The following GALNT17 variants were observed in gnomAD, a reference collection of about 807,000 sequenced individuals.
GALNT17 encodes the protein polypeptide N-acetylgalactosaminyltransferase 17.
A neutral mutation model predicts 63.7 loss-of-function variants in GALNT17; 29 were observed. That is an observed-to-expected ratio of 0.46 (90% CI 0.34 to 0.62). The LOEUF (loss-of-function observed/expected upper bound fraction) is 0.62. Ranked by LOEUF, GALNT17 falls within the 20% of genes least tolerant of loss-of-function variation. The pLI, the probability that GALNT17 is intolerant of heterozygous loss-of-function variation, is 0.01. For synonymous variants in GALNT17, 305 were observed against 318.3 expected, an observed-to-expected ratio of 0.96 and a Z score of 0.45; for missense variants, 603 against 799.6, an observed-to-expected ratio of 0.75 and a Z score of 2.97.
intron 1 of GALNT17, among the ~76,000 whole-genome samples, chr7:71,254,250 C>A (rs1790250731): frequency 6.6e-6 from 1 of 152,098 alleles, no homozygotes; most frequent in African/African-American, 2.4e-5. Flanking sequence ...TTGTGGAGGT[C>A]AAGGTTTTTA....
chr7:71,223,433 T>G (rs1027923501), intron 1 of GALNT17, among the ~76,000 whole-genome samples: 1 of 152,254 alleles, frequency 6.6e-6, no homozygotes, highest in Admixed American at 6.5e-5. Context: ...TTTATTTCTC[T>G]TCTTGCTCAA....
intron 3 of GALNT17, among the ~76,000 whole-genome samples, chr7:71,405,769 A>G (rs1222925838): frequency 1.3e-5 from 2 of 152,262 alleles, no homozygotes; most frequent in African/African-American, 2.4e-5. Context: ...CCCATTCATG[A>G]GGGTAGAGTC....
chr7:71,209,693 G>T (rs991566739), intron 1 of GALNT17, among the ~76,000 whole-genome samples: 26 of 151,622 alleles, frequency 1.7e-4, no homozygotes, highest in African/African-American at 6.3e-4. Context: ...TCAGCGTTTT[G>T]CCATATTGCC....
intron 6 of GALNT17, among the ~76,000 whole-genome samples, chr7:71,643,722 T>C (rs1160480738): frequency 6.6e-6 from 1 of 152,090 alleles, no homozygotes; most frequent in African/African-American, 2.4e-5. Context: ...AGGTAGGAGA[T>C]GACATTTTAG....
chr7:71,144,420 T>G (rs546032811), intron 1 of GALNT17, among the ~76,000 whole-genome samples: 1 of 152,302 alleles, frequency 6.6e-6, no homozygotes, highest in African/African-American at 2.4e-5. Context: ...ATCATTATTA[T>G]TGGCTGTTCA....
At chr7:71,337,045 G>A (rs1301241636) in intron 2 of GALNT17, among the ~76,000 whole-genome samples, 1 of 151,720 alleles carries the variant, frequency 6.6e-6, no homozygotes. Flanking sequence ...TGGTTGAAAT[G>A]GTATCTCATT....
At chr7:71,374,876 G>A (rs1297900086) in intron 2 of GALNT17, among the ~76,000 whole-genome samples, 1 of 133,426 alleles carries the variant, frequency 7.5e-6, no homozygotes, top group Non-Finnish European at 1.5e-5. Context: ...GTCTTGCTCT[G>A]TTGCCCAGGC....
intron 5 of GALNT17, among the ~76,000 whole-genome samples, chr7:71,538,929 A>G (rs563438684): frequency 1.1e-4 from 17 of 151,664 alleles, no homozygotes; most frequent in Middle Eastern, 3.4e-3. Context: ...AGGATACTCA[A>G]TGTTTTTGGG....
intron 1 of GALNT17, among the ~76,000 whole-genome samples, chr7:71,305,870 C>T (rs764831961): frequency 4.6e-5 from 7 of 152,136 alleles, no homozygotes; most frequent in Non-Finnish European, 8.8e-5. Flanking sequence ...ATCCAGGTAC[C>T]GTGGAAAGCC....
chr7:71,463,139 A>T (rs1221411968), intron 5 of GALNT17, among the ~76,000 whole-genome samples: 1 of 152,128 alleles, frequency 6.6e-6, no homozygotes, highest in African/African-American at 2.4e-5. Flanking sequence ...CAGGACAGGG[A>T]GGGGAAGCAT....
At chr7:71,167,059 T>TC (rs1788455143) in intron 1 of GALNT17, among the ~76,000 whole-genome samples, 1 of 148,428 alleles carries the variant, frequency 6.7e-6, no homozygotes, top group African/African-American at 2.5e-5. Context: ...TTTTTTTTTT[T>TC]TTTTTTTTGG....
chr7:71,272,916 C>T (rs759041311), intron 1 of GALNT17, among the ~76,000 whole-genome samples: 8 of 150,520 alleles, frequency 5.3e-5, no homozygotes, highest in Non-Finnish European at 1.0e-4. Flanking sequence ...TTCACCCTAC[C>T]GGAGAGCAAA....
At chr7:71,191,528 A>G (rs1002925476) in intron 1 of GALNT17, among the ~76,000 whole-genome samples, 2 of 152,228 alleles carry the variant, frequency 1.3e-5, no homozygotes, top group Non-Finnish European at 2.9e-5. Flanking sequence ...CTATGTTTCA[A>G]TAAAACTTTA....
At chr7:71,579,100 A>G (rs1011040196) in intron 6 of GALNT17, among the ~76,000 whole-genome samples, 3 of 152,214 alleles carry the variant, frequency 2.0e-5, no homozygotes, top group African/African-American at 7.2e-5. Context: ...GGCACTGGTC[A>G]AGGTTGGATC....
intron 5 of GALNT17, among the ~76,000 whole-genome samples, chr7:71,564,294 T>C (rs1789304399): frequency 1.2e-5 from 1 of 82,090 alleles, no homozygotes; most frequent in Non-Finnish European, 2.5e-5. Context: ...TTTTTTTTTT[T>C]TTTTTTTTGA....
At chr7:71,328,391 C>A (rs541857399) in intron 1 of GALNT17, among the ~76,000 whole-genome samples, 1 of 152,150 alleles carries the variant, frequency 6.6e-6, no homozygotes, top group Non-Finnish European at 1.5e-5. Context: ...TGCTTCTCCC[C>A]CTTTGACTTT....
At position 71,278,223 on chromosome 7, in the gene GALNT17, C is replaced by T. The variant is rs978961196; in HGVS notation, c.239-57327C>T. Reference sequence around the variant, plus strand: ...GTTAGTAGCCTTCTTTACAGATGAGCAAATTGAGGCTCAGAGGTTTATTGA... The same window carrying T: ...GTTAGTAGCCTTCTTTACAGATGAGTAAATTGAGGCTCAGAGGTTTATTGA... On this transcript the variant is annotated intron_variant, in intron 1 of 10. Coordinates refer to ENST00000333538, the MANE Select transcript of GALNT17 (RefSeq NM_022479.3). 3.9e-5 allele frequency among the ~76,000 whole-genome samples: 6 copies of T among 152,134 alleles called. No individual in the cohort carries two copies. The South Asian group carries it at 1.2e-3, about 32-fold the overall frequency.
At chr7:71,135,042 G>A (rs1787757438) in intron 1 of GALNT17, among the ~76,000 whole-genome samples, 1 of 151,766 alleles carries the variant, frequency 6.6e-6, no homozygotes, top group African/African-American at 2.4e-5. Context: ...TGTAGACACA[G>A]GGTCTTGCTA....
At chr7:71,494,680 G>A (rs747862155) in intron 5 of GALNT17, among the ~76,000 whole-genome samples, 4 of 152,090 alleles carry the variant, frequency 2.6e-5, no homozygotes, top group Non-Finnish European at 5.9e-5. Flanking sequence ...TGATAAAGCA[G>A]AGAGAAGCTG....
Sources: allele counts gnomAD v4.1 joint callset (sites outside exome capture counted in the v4.1 genomes callset), GRCh38; gene constraint gnomAD v4.1.1; transcripts MANE v1.5; gene names NCBI Gene and HGNC (gene_info 2026-07-23, HGNC 2026-07-21).